PXDNL: variants seen among roughly 807,000 people sequenced by gnomAD.
The protein encoded by PXDNL is probable oxidoreductase PXDNL.
PXDNL carries 145 observed loss-of-function variants against 150.8 expected under a neutral mutation model. That is an observed-to-expected ratio of 0.96 (90% CI 0.84 to 1.10). The LOEUF is 1.10. Ranked by LOEUF, PXDNL falls within the 50% of genes least tolerant of loss-of-function variation. The pLI, the probability that PXDNL is intolerant of heterozygous loss-of-function variation, is 0.00. For missense variants in PXDNL, 2,087 were observed against 1,873.9 expected, an observed-to-expected ratio of 1.11 and a Z score of -2.10; for synonymous variants, 757 against 725.7, an observed-to-expected ratio of 1.04 and a Z score of -0.69.
At chr8:51,628,399 C>CTTTTTTTTTTTTTTTTTTTTTT (rs71550276) in intron 2 of PXDNL, among the ~76,000 whole-genome samples, 28 of 69,790 alleles carry the variant, frequency 4.0e-4, no homozygotes, top group South Asian at 7.6e-4. Context: ...CTTTTCTTTT[C>CTTTTTTTTTTTTTTTTTTTTTT]TTTTTTTTTT....
chr8:51,588,153 ATGCT>A (rs1813367410), intron 3 of PXDNL, among the ~76,000 whole-genome samples: 1 of 152,172 alleles, frequency 6.6e-6, no homozygotes, highest in South Asian at 2.1e-4. Flanking sequence ...TAGAAAGGCA[ATGCT>A]TACCATATTT....
chr8:51,791,022 A>C (rs1374190725), intron 1 of PXDNL, among the ~76,000 whole-genome samples: 1 of 152,128 alleles, frequency 6.6e-6, no homozygotes, highest in Non-Finnish European at 1.5e-5. Flanking sequence ...CTAACATTCG[A>C]ATAGTTCCTG....
intron 17 of PXDNL, among the ~76,000 whole-genome samples, chr8:51,398,344 C>A (rs1227528512): frequency 6.6e-6 from 1 of 152,158 alleles, no homozygotes; most frequent in Non-Finnish European, 1.5e-5. Flanking sequence ...GGGGAGTGGG[C>A]AGACATTTAC....
intron 2 of PXDNL, among the ~76,000 whole-genome samples, chr8:51,640,208 A>C (rs1814715628): frequency 6.6e-6 from 1 of 152,196 alleles, no homozygotes; most frequent in Admixed American, 6.5e-5. Context: ...ATATCTCAAA[A>C]TAATAAGAGC....
rs553770705 is a variant in PXDNL at position 51,492,549 on chromosome 8, C to G, written c.452+7150G>C. Among the ~76,000 whole-genome samples the G allele has an allele frequency of 3.3e-5, 5 of 152,306 alleles. No homozygotes were observed. The East Asian group carries it at 9.7e-4, about 29-fold the overall frequency. Reference sequence around the variant, plus strand: ...CTTTCCTAGTCAAAGAAAGGGGTGACAGATGGCACCTGGAAAATCAGGCCA... The same window carrying G: ...CTTTCCTAGTCAAAGAAAGGGGTGAGAGATGGCACCTGGAAAATCAGGCCA... On this transcript the variant is annotated intron_variant, in intron 5 of 22. Coordinates refer to ENST00000356297, the MANE Select transcript of PXDNL (RefSeq NM_144651.5).
At position 51,335,815 on chromosome 8, in the gene PXDNL, C is replaced by A. The variant is rs139548294; in HGVS notation, c.4146+3809G>T. 5.3e-5 allele frequency among the ~76,000 whole-genome samples: 8 copies of A among 151,918 alleles called. No individual in the cohort carries two copies. The East Asian group carries it at 1.6e-3, about 29-fold the overall frequency. ...GTAATTATGGCTCTAGTTATTCCCA[C>A]AATAATCAGAATCAAACGAAAAGGG... On this transcript the variant is annotated intron_variant, in intron 21 of 22. Transcript: ENST00000356297.
intron 4 of PXDNL, among the ~76,000 whole-genome samples, chr8:51,529,054 A>T (rs1811826471): frequency 1.3e-5 from 2 of 152,252 alleles, no homozygotes; most frequent in African/African-American, 2.4e-5. Context: ...GTATATTGTT[A>T]TACAGTTATA....
intron 3 of PXDNL, among the ~76,000 whole-genome samples, chr8:51,562,130 T>A (rs991150320): frequency 6.6e-6 from 1 of 151,588 alleles, no homozygotes; most frequent in African/African-American, 2.4e-5. Flanking sequence ...TAAGAAATTA[T>A]ATCCCTTTAT....
At chr8:51,355,296 A>G (rs1806472645) in intron 19 of PXDNL, among the ~76,000 whole-genome samples, 1 of 152,208 alleles carries the variant, frequency 6.6e-6, no homozygotes, top group African/African-American at 2.4e-5. Flanking sequence ...AGCACAATTT[A>G]TTTGAAAGAA....
intron 4 of PXDNL, among the ~76,000 whole-genome samples, chr8:51,536,993 A>G (rs993293279): frequency 1.3e-5 from 2 of 152,220 alleles, no homozygotes; most frequent in Non-Finnish European, 2.9e-5. Flanking sequence ...TATGCCAGAT[A>G]AAGGCAGACT....
intron 5 of PXDNL, among the ~76,000 whole-genome samples, chr8:51,486,784 ATATATATATATTTTTTTTTTTTT>A (rs1486934843): frequency 2.2e-4 from 5 of 22,848 alleles, no homozygotes; most frequent in Admixed American, 9.4e-4. Flanking sequence ...ATATATATAT[ATATATATATATTTTTTTTTTTTT>A]TTTTTTTTTT....
intron 8 of PXDNL, among the ~76,000 whole-genome samples, chr8:51,463,409 C>T (rs762822989): frequency 6.6e-6 from 1 of 151,994 alleles, no homozygotes; most frequent in Non-Finnish European, 1.5e-5. Context: ...CACTCAAAGG[C>T]TCAAAGTAAA....
At chr8:51,752,943 T>C (rs1431090553) in intron 1 of PXDNL, among the ~76,000 whole-genome samples, 2 of 152,246 alleles carry the variant, frequency 1.3e-5, no homozygotes, top group Non-Finnish European at 2.9e-5. Context: ...GTGGCTGTGA[T>C]GTCTCAGATC....
intron 3 of PXDNL, among the ~76,000 whole-genome samples, chr8:51,559,532 A>C (rs1362256826): frequency 6.6e-6 from 1 of 151,986 alleles, no homozygotes; most frequent in Non-Finnish European, 1.5e-5. Context: ...ATCTACCACA[A>C]AACCAGAGAA....
chr8:51,422,598 TAAA>T (rs1808984587), intron 14 of PXDNL, among the ~76,000 whole-genome samples: 1 of 152,118 alleles, frequency 6.6e-6, no homozygotes, highest in Non-Finnish European at 1.5e-5. Flanking sequence ...GTGGAAAAAC[TAAA>T]AGGTAAAAAA....
chr8:51,518,198 G>A (rs988875829), intron 4 of PXDNL, among the ~76,000 whole-genome samples: 5 of 152,162 alleles, frequency 3.3e-5, no homozygotes, highest in Non-Finnish European at 5.9e-5. Flanking sequence ...ACTTCTGTGA[G>A]GACTTCTGTA....
intron 4 of PXDNL, among the ~76,000 whole-genome samples, chr8:51,527,357 T>G (rs1306670560): frequency 6.6e-6 from 1 of 152,196 alleles, no homozygotes; most frequent in East Asian, 1.9e-4. Context: ...TCCATTTGCT[T>G]GATAGGCTCA....
At chr8:51,761,260 C>G (rs2037164156) in intron 1 of PXDNL, among the ~76,000 whole-genome samples, 1 of 152,026 alleles carries the variant, frequency 6.6e-6, no homozygotes, top group African/African-American at 2.4e-5. Flanking sequence ...TCCAAAATCC[C>G]ATGGCATTTG....
At chr8:51,676,642 T>C (rs754469773) in intron 1 of PXDNL, among the ~76,000 whole-genome samples, 11 of 152,178 alleles carry the variant, frequency 7.2e-5, no homozygotes, top group Admixed American at 5.2e-4. Flanking sequence ...CAGAACTGTC[T>C]AGCTGCTCCT....
Sources: allele counts gnomAD v4.1 joint callset (sites outside exome capture counted in the v4.1 genomes callset), GRCh38; gene constraint gnomAD v4.1.1; transcripts MANE v1.5; gene names NCBI Gene and HGNC (gene_info 2026-07-23, HGNC 2026-07-21).